Variants in COL27A1 observed in about 807,000 individuals in gnomAD.
COL27A1 encodes the protein collagen alpha-1(XXVII) chain.
COL27A1 carries 106 observed loss-of-function variants against 251.3 expected under a neutral mutation model. The observed-to-expected ratio is 0.42, with a 90% CI of 0.36 to 0.50. The LOEUF is 0.50. Ranked by LOEUF, COL27A1 falls within the 20% of genes least tolerant of loss-of-function variation. The probability of loss-of-function intolerance (pLI) is 0.00; values close to 1 mark genes in which losing one functional copy is unlikely to be tolerated. For missense variants in COL27A1, 2,325 were observed against 2,522.8 expected, an observed-to-expected ratio of 0.92 and a Z score of 1.68; for synonymous variants, 1,000 against 986.3, an observed-to-expected ratio of 1.01 and a Z score of -0.26.
Position 114,289,383 on chromosome 9 carries a change from T to C in COL27A1, c.4206+88T>C, listed in dbSNP as rs1827751333. The C allele has an allele frequency of 5.3e-6, 7 of 1,314,426 alleles. No individual in the cohort carries two copies. In the Admixed American group the frequency reaches 1.7e-4, roughly 31 times the overall value. The allele number at this position is 1,314,426 out of a possible 1,614,324, so 81.4% of individuals were successfully genotyped here. On this transcript the variant is annotated intron_variant, in intron 45 of 60. Coordinates refer to ENST00000356083, the MANE Select transcript of COL27A1 (RefSeq NM_032888.4). The stretch of plus-strand genomic sequence containing the variant: ...GTCACACAGCAAACCAAACGCAGGC[T>C]GCAGAGGCTGCGAGGCAGGGTAGGG...
At chr9:114,282,666 C>A in intron 39 of COL27A1, 102 bp downstream of exon 39, 1 of 721,932 alleles carries the variant, frequency 1.4e-6, no homozygotes, top group South Asian at 2.1e-5. Context: ...ATCACCCACC[C>A]CAGCTATTAG....
intron 5 of COL27A1, 141 bp from the exon 6 acceptor site, chr9:114,194,263 A>G: frequency 1.3e-6 from 1 of 794,240 alleles, no homozygotes; most frequent in Non-Finnish European, 2.2e-6. Flanking sequence ...GAATTGGAGA[A>G]GACCCTCTGG....
At chr9:114,218,810 G>A (rs1052339997) in intron 12 of COL27A1, among the ~76,000 whole-genome samples, 1 of 152,110 alleles carries the variant, frequency 6.6e-6, no homozygotes, top group African/African-American at 2.4e-5. Flanking sequence ...TTTGTTTGTA[G>A]GTTTGGTCTT....
chr9:114,229,904 G>A (rs969967004), intron 14 of COL27A1, among the ~76,000 whole-genome samples: 13 of 152,282 alleles, frequency 8.5e-5, no homozygotes, highest in African/African-American at 2.9e-4. Context: ...GGCGGGGGCT[G>A]TTCTGTGCAC....
At chr9:114,183,159 G>C in intron 5 of COL27A1, 84 bp downstream of exon 5, 1 of 1,365,342 alleles carries the variant, frequency 7.3e-7, no homozygotes, top group Non-Finnish European at 1.0e-6. Flanking sequence ...GTGCCTGGTG[G>C]GAGGGCTTCA....
intron 56 of COL27A1, among the ~76,000 whole-genome samples, chr9:114,303,310 C>T (rs1016326380): frequency 1.4e-4 from 21 of 147,096 alleles, no homozygotes; most frequent in African/African-American, 5.3e-4. Context: ...ACGATCTCAT[C>T]TCACTGCAAC....
At chr9:114,309,501 G>C (rs936333935) in intron 60 of COL27A1, 23 bp downstream of exon 60, 6 of 1,589,892 alleles carry the variant, frequency 3.8e-6, no homozygotes, top group African/African-American at 2.7e-5. Flanking sequence ...GCCCCTCCTA[G>C]GCCCTTCATG....
At chr9:114,297,680 C>T (rs1371497002) in intron 49 of COL27A1, among the ~76,000 whole-genome samples, 1 of 152,124 alleles carries the variant, frequency 6.6e-6, no homozygotes, top group Non-Finnish European at 1.5e-5. Context: ...CATCCTCAAC[C>T]TGATAGAGAA....
chr9:114,176,991 T>G (rs1827508852), intron 3 of COL27A1, among the ~76,000 whole-genome samples: 1 of 152,240 alleles, frequency 6.6e-6, no homozygotes, highest in Admixed American at 6.5e-5. Context: ...ATCTCATTGA[T>G]GGTTATTTGA....
rs1283097558 is a variant in COL27A1 at position 114,245,927 on chromosome 9, C to G, written c.2979+17C>G. 45 of 1,611,240 alleles carry G rather than the reference C, an allele frequency of 2.8e-5. No individual in the cohort carries two copies. The highest frequency in any genetic ancestry group is 3.6e-5 in the Non-Finnish European group (43 of 1,178,186). ...GGAGAGCAGGTTAGTTAGCAACGGT[C>G]TCTGAATGAGTGGCTCCATTTATTG... is the stretch of plus-strand genomic sequence containing the variant. On this transcript the variant is annotated intron_variant, in intron 24 of 60. Transcript: ENST00000356083.
chr9:114,247,223 GCCT>G (rs1833201784), intron 24 of COL27A1, among the ~76,000 whole-genome samples: 2 of 152,248 alleles, frequency 1.3e-5, no homozygotes, highest in South Asian at 4.2e-4. Flanking sequence ...TGTAACAGCG[GCCT>G]CAATTTTGAA....
chr9:114,291,958 C>A, intron 48 of COL27A1, 145 bp from the exon 49 acceptor site: 2 of 717,082 alleles, frequency 2.8e-6, no homozygotes, highest in South Asian at 1.7e-5. Context: ...CCTACCCCAC[C>A]AGGCCTCCAT....
intron 24 of COL27A1, among the ~76,000 whole-genome samples, chr9:114,250,073 C>G (rs899159050): frequency 5.3e-5 from 8 of 152,208 alleles, no homozygotes; most frequent in Non-Finnish European, 7.3e-5. Context: ...AGCAGAGCAG[C>G]AGGAGCTGCA....
chr9:114,250,916 G>A (rs1344339868), intron 25 of COL27A1, among the ~76,000 whole-genome samples: 1 of 152,154 alleles, frequency 6.6e-6, no homozygotes, highest in Non-Finnish European at 1.5e-5. Context: ...AGATGCATGT[G>A]ACCTGGGCTC....
At chr9:114,203,506 G>C (rs1291324954) in intron 7 of COL27A1, among the ~76,000 whole-genome samples, 1 of 152,182 alleles carries the variant, frequency 6.6e-6, no homozygotes, top group East Asian at 1.9e-4. Flanking sequence ...ACAAGAGGTT[G>C]TATGCCCCGG....
At chr9:114,171,353 C>T (rs1046086532) in intron 3 of COL27A1, among the ~76,000 whole-genome samples, 2 of 152,192 alleles carry the variant, frequency 1.3e-5, no homozygotes, top group Admixed American at 6.5e-5. Context: ...ATCCCACTGC[C>T]CTGAGTGTCC....
chr9:114,287,620 C>G (rs899151300), intron 41 of COL27A1, among the ~76,000 whole-genome samples: 2 of 152,164 alleles, frequency 1.3e-5, no homozygotes, highest in Non-Finnish European at 2.9e-5. Flanking sequence ...GTGCAGCAGC[C>G]TGCTGAGTGC....
chr9:114,258,479 C>G (rs1834096229), intron 27 of COL27A1, 62 bp from the exon 28 acceptor site: 5 of 1,508,878 alleles, frequency 3.3e-6, no homozygotes, highest in Non-Finnish European at 4.5e-6. Flanking sequence ...ACACTCCCAG[C>G]CCCCCGTGTT....
At chr9:114,227,336 A>G (rs1316315) in intron 14 of COL27A1, among the ~76,000 whole-genome samples, 14,357 of 141,392 alleles carry the variant, frequency 0.1, 946 homozygotes, top group African/African-American at 0.19. Flanking sequence ...TTTGGTCAAC[A>G]GCCAACTCAG....
Sources: gnomAD v4.1 joint callset for allele counts (sites outside exome capture counted in the v4.1 genomes callset) on GRCh38, gnomAD v4.1.1 for gene constraint, MANE v1.5 for transcripts, NCBI Gene and HGNC (gene_info 2026-07-23, HGNC 2026-07-21) for gene names.